ATP7A: variants seen among roughly 807,000 people sequenced by gnomAD.
ATP7A encodes ATPase copper transporting alpha, also known as copper-transporting ATPase 1.
Under a neutral mutation model 83.5 loss-of-function variants are expected in ATP7A, and 7 were observed. That is an observed-to-expected ratio of 0.08 (90% CI 0.05 to 0.16). ATP7A has a LOEUF of 0.16. Among genes scored for constraint, ATP7A ranks in the 10% least tolerant of loss-of-function variants. The pLI is 1.00. For missense variants in ATP7A, 940 were observed against 1,120.8 expected (o/e 0.84, Z 2.30); for synonymous variants, 354 against 395.2 (o/e 0.90, Z 1.24).
Position 78,020,253 on chromosome X carries a change from T to G in ATP7A, c.2636T>G (p.Met879Arg). Residue 879 changes from methionine to arginine, a missense_variant, in exon 13 of 23, where the codon ATG (methionine) becomes AGG (arginine). Met to Arg is a moderately conservative substitution (Grantham distance 91). Around this residue, in one of 3 missense-constraint regions of ATP7A, gnomAD observed 386 missense variants for 502.2 expected, o/e 0.77. Transcript: ENST00000341514. ...VDESLITGEA[M>R]PVAKKPGSTV... The stretch of plus-strand genomic sequence containing the variant: ...TTTACTCTCCATACAGGGGAGGCAA[T>G]GCCTGTGGCTAAGAAACCTGGCAGC... 8.3e-7 allele frequency: 1 copy of G among 1,211,680 alleles called. No homozygotes were observed. The highest frequency in any genetic ancestry group is 1.1e-6 in the Non-Finnish European group (1 of 895,219).
rs782733819 is a variant in ATP7A, at chrX:78,011,343, T to C, written c.1946+91T>C. 1.7e-5 allele frequency: 18 copies of C among 1,042,159 alleles called. No homozygotes were observed. In the South Asian group the frequency reaches 3.2e-4, roughly 19 times the overall value. The allele number at this position is 1,042,159 out of a possible 1,213,427, so 85.9% of individuals were successfully genotyped here. A position where few individuals can be genotyped will look rare whatever the true frequency, so the allele number is the denominator to read the frequency against. On this transcript the variant is annotated intron_variant, in intron 8 of 22. Transcript: ENST00000341514. ...GTCAGTTTTTATAATATCATCCTTA[T>C]ACTGGATGAAATGGTCACAATGTAT...
intron 4 of ATP7A, among the ~76,000 whole-genome samples, chrX:77,991,233 T>TC (rs2077667704): frequency 1.8e-5 from 2 of 111,385 alleles, no homozygotes; most frequent in African/African-American, 6.5e-5. Context: ...CTCCTTCCCC[T>TC]CCCCAAGCTC....
At chrX:77,992,824 C>T (rs1460362123) in intron 4 of ATP7A, among the ~76,000 whole-genome samples, 3 of 111,533 alleles carry the variant, frequency 2.7e-5, no homozygotes, top group Non-Finnish European at 3.8e-5. Context: ...ATGTTGGTCA[C>T]GCTGGTCTTG....
chrX:77,959,049 A>AGATTT (rs1557227742), intron 1 of ATP7A, among the ~76,000 whole-genome samples: 45 of 111,044 alleles, frequency 4.1e-4, no homozygotes, highest in African/African-American at 1.4e-3. Context: ...CAGCCTCCCA[A>AGATTT]GGTGCTGGGA....
Position 78,043,881 on chromosome X carries a change from C to T in ATP7A, c.4123+447C>T, listed in dbSNP as rs566708811. On this transcript the variant is annotated intron_variant, in intron 21 of 22. Coordinates refer to ENST00000341514, the MANE Select transcript of ATP7A (RefSeq NM_000052.7). ...CCATGTTGGCCAGGCTGGTCTCGAA[C>T]TCCTGACTTCAGGTAATCCACCCAC... 6.6e-5 allele frequency among the ~76,000 whole-genome samples: 7 copies of T among 105,844 alleles called. No homozygotes were observed. The South Asian group carries it at 3.1e-3, about 47-fold the overall frequency. 91.9% of individuals were successfully genotyped at this position (105,844 alleles called of 115,157 possible). A position where few individuals can be genotyped will look rare whatever the true frequency, so the allele number is the denominator to read the frequency against.
In ATP7A at chrX:78,047,348, T is replaced by C. The variant is rs2078089429; in HGVS notation, c.*778T>C. 2 of 111,910 alleles carry C rather than the reference T, an allele frequency of 1.8e-5. No homozygotes were observed. Among genetic ancestry groups the C allele is most frequent in the Non-Finnish European group, 3.8e-5 (2 of 53,205 alleles). 9.2% of individuals were successfully genotyped at this position (111,910 alleles called of 1,213,427 possible). A position where few individuals can be genotyped will look rare whatever the true frequency, so the allele number is the denominator to read the frequency against. ...TCTTTCCACTGTTGTAAAAAGTATA[T>C]CAAATTATTCCTTCAAGTTTCCTAG... On this transcript the variant is annotated 3_prime_UTR_variant, in exon 23 of 23. Coordinates refer to ENST00000341514, the MANE Select transcript of ATP7A (RefSeq NM_000052.7).
intron 1 of ATP7A, among the ~76,000 whole-genome samples, chrX:77,919,889 C>G (rs782338644): frequency 3.6e-5 from 4 of 112,114 alleles, no homozygotes; most frequent in Non-Finnish European, 7.5e-5. Flanking sequence ...TTTCATCATC[C>G]CAAACTGAAA....
At chrX:77,977,870 C>T (rs1411888031) in intron 2 of ATP7A, among the ~76,000 whole-genome samples, 2 of 112,059 alleles carry the variant, frequency 1.8e-5, no homozygotes, top group Non-Finnish European at 3.8e-5. Context: ...CTCTGCTTCT[C>T]CTCTTTCAGT....
At chrX:77,912,640 GA>G (rs2077166439) in intron 1 of ATP7A, among the ~76,000 whole-genome samples, 1 of 111,980 alleles carries the variant, frequency 8.9e-6, no homozygotes, top group Non-Finnish European at 1.9e-5. Flanking sequence ...AAATCTAAAA[GA>G]GAAAAAATGT....
At chrX:78,006,849 C>G (rs1291424431) in intron 6 of ATP7A, among the ~76,000 whole-genome samples, 3 of 112,101 alleles carry the variant, frequency 2.7e-5, no homozygotes, top group African/African-American at 9.7e-5. Flanking sequence ...TTTTTATTGC[C>G]AAATAATATT....
Position 78,049,659 on chromosome X carries a change from T to C in ATP7A, c.*3089T>C, listed in dbSNP as rs2078102562. 8.9e-6 allele frequency: 1 copy of C among 112,809 alleles called. No individual in the cohort carries two copies. Among genetic ancestry groups the C allele is most frequent in the Non-Finnish European group, 1.9e-5 (1 of 53,239 alleles). 9.3% of individuals were successfully genotyped at this position (112,809 alleles called of 1,213,427 possible). On this transcript the variant is annotated 3_prime_UTR_variant, in exon 23 of 23. Transcript: ENST00000341514. Reference sequence around the variant, plus strand: ...TCAAATTTGATGCCTTGTGAACAAGTAATTTTATATTGTGCTTTAATTTTT... The same window carrying C: ...TCAAATTTGATGCCTTGTGAACAAGCAATTTTATATTGTGCTTTAATTTTT...
chrX:77,948,105 A>ATTCATTCATTCATTCG (rs1348404748), intron 1 of ATP7A, among the ~76,000 whole-genome samples: 29 of 66,481 alleles, frequency 4.4e-4, no homozygotes, highest in African/African-American at 1.8e-3. Context: ...TTATTTATTC[A>ATTCATTCATTCATTCG]TTCATTCATT....
chrX:78,006,544 T>C (rs2077776764), intron 6 of ATP7A, among the ~76,000 whole-genome samples: 1 of 111,950 alleles, frequency 8.9e-6, no homozygotes, highest in Non-Finnish European at 1.9e-5. Flanking sequence ...GTTTTTAGTA[T>C]ATTCACAGAC....
chrX:77,923,070 G>T (rs2077223927), intron 1 of ATP7A: 1 of 112,119 alleles, frequency 8.9e-6, no homozygotes, highest in Non-Finnish European at 1.9e-5. Context: ...ACAGAATTTG[G>T]ATTCAAATCC....
chrX:78,027,379 G>A (rs2077952584), intron 14 of ATP7A, among the ~76,000 whole-genome samples: 1 of 111,304 alleles, frequency 9.0e-6, no homozygotes, highest in African/African-American at 3.3e-5. Flanking sequence ...AACATACCTA[G>A]GAATACATTT....
At chrX:77,933,361 T>C (rs1557224772) in intron 1 of ATP7A, among the ~76,000 whole-genome samples, 1 of 109,753 alleles carries the variant, frequency 9.1e-6, no homozygotes, top group African/African-American at 3.5e-5. Context: ...GGACTGGAAC[T>C]TGAGTCTGTT....
At chrX:78,046,241 C>T (rs1417975343) in intron 22 of ATP7A, 53 bp from the exon 23 acceptor site, 87 of 1,159,652 alleles carry the variant, frequency 7.5e-5, no homozygotes, top group Middle Eastern at 7.2e-4. Flanking sequence ...ATGTAGCGAG[C>T]ATCTCATTTA....
intron 1 of ATP7A, among the ~76,000 whole-genome samples, chrX:77,931,616 G>C (rs1426867289): frequency 1.8e-5 from 2 of 108,111 alleles, no homozygotes; most frequent in East Asian, 3.0e-4. Flanking sequence ...CTCACCTCCC[G>C]GACGGGGCGG....
At chrX:77,946,127 C>T (rs1243558412) in intron 1 of ATP7A, among the ~76,000 whole-genome samples, 3 of 109,570 alleles carry the variant, frequency 2.7e-5, no homozygotes, top group African/African-American at 1.0e-4. Flanking sequence ...TAGTGAGACC[C>T]CATCTCTACA....
Sources: allele counts gnomAD v4.1 joint callset (sites outside exome capture counted in the v4.1 genomes callset), GRCh38; gene constraint gnomAD v4.1.1; regional missense constraint gnomAD v4.1.1; transcripts MANE v1.5; gene names NCBI Gene and HGNC (gene_info 2026-07-23, HGNC 2026-07-21).